IL2RA: variants seen among roughly 807,000 people sequenced by gnomAD.
IL2RA encodes interleukin-2 receptor subunit alpha.
Under a neutral mutation model 37.8 loss-of-function variants are expected in IL2RA, and 24 were observed. The ratio of observed to expected loss-of-function variants is 0.63; its 90% CI spans 0.46 to 0.89. IL2RA has a LOEUF of 0.89. IL2RA is among the 40% of genes least tolerant of loss of function. The pLI is 0.00. For missense variants in IL2RA, 319 were observed against 348.6 expected, an observed-to-expected ratio of 0.92 and a Z score of 0.68; for synonymous variants, 125 against 114.6, an observed-to-expected ratio of 1.09 and a Z score of -0.58.
intron 1 of IL2RA, among the ~76,000 whole-genome samples, chr10:6,031,476 A>G (rs1434439122): frequency 8.7e-4 from 22 of 25,160 alleles, no homozygotes; most frequent in African/African-American, 2.9e-3. Context: ...ATATATATAT[A>G]TATATATATA....
rs1302422521 is a variant in IL2RA at position 6,024,324 on chromosome 10, G to A, written c.287C>T (p.Pro96Leu). The A allele has an allele frequency of 2.5e-6, 4 of 1,614,004 alleles. No individual in the cohort carries two copies. In the South Asian group the frequency reaches 4.4e-5, roughly 18 times the overall value. ...ATRNTTKQVTPQPEEQKERKT... is the reference protein window; with the variant it reads ...ATRNTTKQVTLQPEEQKERKT... ...CCTTTCTTTCTGTTCTTCAGGTTGA[G>A]GTGTCACTTGTTTCGTTGTGTTCCG... Residue 96 changes from proline (P) to leucine (L), a missense_variant, in exon 3 of 8, where the codon CCT becomes CTT. Pro to Leu is a moderately conservative substitution (Grantham distance 98, BLOSUM62 -3). Coordinates refer to ENST00000379959, the MANE Select transcript of IL2RA (RefSeq NM_000417.3).
rs1255323894 is a variant in IL2RA, at chr10:6,022,682, A to G, written c.368-989T>C. On this transcript the variant is annotated intron_variant, in intron 3 of 7. Coordinates refer to ENST00000379959, the MANE Select transcript of IL2RA (RefSeq NM_000417.3). The surrounding 1 kb of genome is among the most constrained non-coding windows in gnomAD (Gnocchi z 4.7). ...ACTGAACTTGTGTTTTGGTCTCAGG[A>G]TAAAAGGTTGTTTGACAGCCAGTAC... 6.6e-6 allele frequency among the ~76,000 whole-genome samples: 1 copy of G among 152,224 alleles called. No individual in the cohort carries two copies.
At position 6,025,909 on chromosome 10, in the gene IL2RA, C is replaced by T. The variant is rs201617475; in HGVS notation, c.181G>A (p.Gly61Arg). Residue 61 changes from glycine (G) to arginine (R), a missense_variant, in exon 2 of 8, where the codon GGG becomes AGG. Coordinates refer to ENST00000379959, the MANE Select transcript of IL2RA (RefSeq NM_000417.3). This position sits in a 1 kb window ranked among gnomAD's most constrained non-coding sequence, Gnocchi z 4.4. ...CCTGTACAGAGCATATAGAGTGACC[C>T]GCTTTTTATTCTGCGGAAACCTCTC... ...CKRGFRRIKS[G>R]SLYMLCTGNS... 32 of 1,614,194 alleles carry T rather than the reference C, an allele frequency of 2.0e-5. No homozygotes were observed. The highest frequency in any genetic ancestry group is 1.7e-4 in the Middle Eastern group (1 of 6,060).
At position 6,054,613 on chromosome 10, in the gene IL2RA, G is replaced by A. The variant is rs1035360909; in HGVS notation, c.64+7475C>T. ...GGCAAACCCCTCATCTCTCTAATTG[G>A]TCAGCTCACTACTCATGGAACACGG... On this transcript the variant is annotated intron_variant, in intron 1 of 7. Transcript: ENST00000379959. The surrounding 1 kb of genome is among the most constrained non-coding windows in gnomAD (Gnocchi z 4.5). Among the ~76,000 whole-genome samples, 4 of 151,980 alleles carry A rather than the reference G, an allele frequency of 2.6e-5. No homozygotes were observed. The highest frequency in any genetic ancestry group is 6.6e-5 in the Admixed American group (1 of 15,240).
chr10:6,050,301 G>A (rs1478783076), intron 1 of IL2RA, among the ~76,000 whole-genome samples: 1 of 152,148 alleles, frequency 6.6e-6, no homozygotes, highest in Non-Finnish European at 1.5e-5. Context: ...TTTCTTGGGA[G>A]AGTGAATTAC....
chr10:6,013,045 G>C, intron 7 of IL2RA, 149 bp from the exon 8 acceptor site: 1 of 750,894 alleles, frequency 1.3e-6, no homozygotes. Context: ...GGCCAGGCTG[G>C]TCTCGAACTC....
chr10:6,023,468 T>G (rs1279958021), intron 3 of IL2RA, among the ~76,000 whole-genome samples: 6 of 152,224 alleles, frequency 3.9e-5, no homozygotes, highest in African/African-American at 1.4e-4. Context: ...CCTGAGTAGC[T>G]GGGACTACAG....
At position 6,012,447 on chromosome 10, in the gene IL2RA, T is replaced by A. The variant is rs1839205222; in HGVS notation, c.*425A>T. Reference sequence around the variant, plus strand: ...TAGGGTAGAGTGTGTGTGTTGTGTATTTACGTTAGTGCTGGGGCTTTCCTT... The same window carrying A: ...TAGGGTAGAGTGTGTGTGTTGTGTAATTACGTTAGTGCTGGGGCTTTCCTT... On this transcript the variant is annotated 3_prime_UTR_variant, in exon 8 of 8. Transcript: ENST00000379959. This position sits in a 1 kb window ranked among gnomAD's most constrained non-coding sequence, Gnocchi z 4.8. 1 of 265,016 alleles carries A rather than the reference T, an allele frequency of 3.8e-6. No individual in the cohort carries two copies. The highest frequency in any genetic ancestry group is 7.4e-6 in the Non-Finnish European group (1 of 134,834). The allele number at this position is 265,016 out of a possible 1,614,324, so 16.4% of individuals were successfully genotyped here.
At position 6,020,585 on chromosome 10, in the gene IL2RA, G is replaced by A. The variant is rs1397252268; in HGVS notation, c.584-644C>T. 6.6e-6 allele frequency among the ~76,000 whole-genome samples: 1 copy of A among 151,954 alleles called. No homozygotes were observed. Among genetic ancestry groups the A allele is most frequent in the African/African-American group, 2.4e-5 (1 of 41,358 alleles). Reference sequence around the variant, plus strand: ...GAGTCTTGCTGTTGCCCAGGCTGGAGTGCAGTGGTGTGATCTCAGCTCACT... The same window carrying A: ...GAGTCTTGCTGTTGCCCAGGCTGGAATGCAGTGGTGTGATCTCAGCTCACT... On this transcript the variant is annotated intron_variant, in intron 4 of 7. Coordinates refer to ENST00000379959, the MANE Select transcript of IL2RA (RefSeq NM_000417.3). This position sits in a 1 kb window ranked among gnomAD's most constrained non-coding sequence, Gnocchi z 5.6.
At chr10:6,060,446 C>T (rs1179781087) in intron 1 of IL2RA, among the ~76,000 whole-genome samples, 1 of 152,142 alleles carries the variant, frequency 6.6e-6, no homozygotes, top group African/African-American at 2.4e-5. Flanking sequence ...ACCACCTGTC[C>T]TCCAAAACCT....
Position 6,026,007 on chromosome 10 carries a change from G to A in IL2RA, c.83C>T (p.Pro28Leu), listed in dbSNP as rs1054397968. Residue 28 changes from proline to leucine, a missense_variant, in exon 2 of 8, where the codon CCG becomes CTG. By Grantham distance (98) the Pro-to-Leu change is moderately conservative. Coordinates refer to ENST00000379959, the MANE Select transcript of IL2RA (RefSeq NM_000417.3). ...GCQAELCDDD[P>L]PEIPHATFKA... Reference sequence around the variant, plus strand: ...GAATGTGGCGTGTGGGATCTCTGGCGGGTCATCGTCACAGAGCTCTGCAAA... The same window carrying A: ...GAATGTGGCGTGTGGGATCTCTGGCAGGTCATCGTCACAGAGCTCTGCAAA... 7 of 1,613,172 alleles carry A rather than the reference G, an allele frequency of 4.3e-6. No homozygotes were observed. Among genetic ancestry groups the A allele is most frequent in the Non-Finnish European group, 5.1e-6 (6 of 1,180,024 alleles).
At chr10:6,016,173 G>A (rs997050874) in intron 7 of IL2RA, among the ~76,000 whole-genome samples, 2 of 152,188 alleles carry the variant, frequency 1.3e-5, no homozygotes, top group Non-Finnish European at 2.9e-5. Flanking sequence ...ATGGATTAAT[G>A]TTGTTATTGC....
rs541515904 is a variant in IL2RA at position 6,052,723 on chromosome 10, G to C, written c.64+9365C>G. On this transcript the variant is annotated intron_variant, in intron 1 of 7. Coordinates refer to ENST00000379959, the MANE Select transcript of IL2RA (RefSeq NM_000417.3). Reference sequence around the variant, plus strand: ...GAGAGTACAGAAAGCAGCGGCTTCTGAAGGAGGTATCTATTTTGGTCCCAA... The same window carrying C: ...GAGAGTACAGAAAGCAGCGGCTTCTCAAGGAGGTATCTATTTTGGTCCCAA... Among the ~76,000 whole-genome samples the C allele has an allele frequency of 2.5e-3, 382 of 152,288 alleles. 4 individuals carry two copies. The highest frequency in any genetic ancestry group is 8.5e-3 in the African/African-American group (355 of 41,554).
chr10:6,037,727 T>C (rs1839713179), intron 1 of IL2RA, among the ~76,000 whole-genome samples: 1 of 152,142 alleles, frequency 6.6e-6, no homozygotes, highest in Admixed American at 6.5e-5. Context: ...CTGTGGCCCC[T>C]TCTCATTTCA....
rs1488789988 is a variant in IL2RA, at chr10:6,010,723, A to G, written c.*2149T>C. On this transcript the variant is annotated 3_prime_UTR_variant, in exon 8 of 8. Transcript: ENST00000379959. ...AATATCATTTATTCTTTTATAAACA[A>G]TAGCAATAAATTTATTATATGTTAA... The G allele has an allele frequency of 2.0e-5, 3 of 152,182 alleles. No homozygotes were observed. The highest frequency in any genetic ancestry group is 4.4e-5 in the Non-Finnish European group (3 of 68,038). 9.4% of individuals were successfully genotyped at this position (152,182 alleles called of 1,614,324 possible). A position where few individuals can be genotyped will look rare whatever the true frequency, so the allele number is the denominator to read the frequency against.
chr10:6,034,121 A>G (rs567113209), intron 1 of IL2RA, among the ~76,000 whole-genome samples: 35 of 152,354 alleles, frequency 2.3e-4, no homozygotes, highest in African/African-American at 8.4e-4. Context: ...GCGTTTTTCT[A>G]GATGAGGTCA....
In IL2RA at chr10:6,011,325, A is replaced by G. The variant is rs1320390425; in HGVS notation, c.*1547T>C. 6.6e-6 allele frequency: 1 copy of G among 151,982 alleles called. No homozygotes were observed. Among genetic ancestry groups the G allele is most frequent in the Non-Finnish European group, 1.5e-5 (1 of 67,914 alleles). The allele number at this position is 151,982 out of a possible 1,614,324, so 9.4% of individuals were successfully genotyped here. On this transcript the variant is annotated 3_prime_UTR_variant, in exon 8 of 8. Transcript: ENST00000379959. The surrounding 1 kb of genome is among the most constrained non-coding windows in gnomAD (Gnocchi z 5.2). ...GGGAGTTGAGAGTGGGTGGGCGTGCAGAGCAATAACACAATGGTTCTCAAA... is the reference window on the plus strand; with the variant it reads ...GGGAGTTGAGAGTGGGTGGGCGTGCGGAGCAATAACACAATGGTTCTCAAA...
rs953123899 is a variant in IL2RA at position 6,021,233 on chromosome 10, G to A, written c.583+245C>T. Among the ~76,000 whole-genome samples, 2 of 152,084 alleles carry A rather than the reference G, an allele frequency of 1.3e-5. No homozygotes were observed. The highest frequency in any genetic ancestry group is 2.4e-5 in the African/African-American group (1 of 41,376). ...TAGGAGAGGGCTTTCCTTCTCTTCT[G>A]TCTCCAACCTTTCTCCCCACTCAGG... On this transcript the variant is annotated intron_variant, in intron 4 of 7. Transcript: ENST00000379959. This position sits in a 1 kb window ranked among gnomAD's most constrained non-coding sequence, Gnocchi z 4.9.
At chr10:6,050,039 G>A (rs1473193444) in intron 1 of IL2RA, among the ~76,000 whole-genome samples, 2 of 152,174 alleles carry the variant, frequency 1.3e-5, no homozygotes, top group African/African-American at 2.4e-5. Flanking sequence ...TGGGGAGCAT[G>A]TTGTGTGCCA....
Sources: gnomAD v4.1 joint callset for allele counts (sites outside exome capture counted in the v4.1 genomes callset) on GRCh38, gnomAD v4.1.1 for gene constraint, Gnocchi (gnomAD v3.1) non-coding constraint, MANE v1.5 for transcripts, NCBI Gene and HGNC (gene_info 2026-07-23, HGNC 2026-07-21) for gene names.